The following TUBGCP4 variants were observed in gnomAD, a reference collection of about 807,000 sequenced individuals.
TUBGCP4 encodes tubulin gamma complex component 4.
In TUBGCP4, 54 loss-of-function variants were observed where a neutral mutation model predicts 91.6. That is an observed-to-expected ratio of 0.59 (90% confidence interval 0.47 to 0.74). The LOEUF (loss-of-function observed/expected upper bound fraction) is 0.74. Ranked by LOEUF, TUBGCP4 falls within the 30% of genes least tolerant of loss-of-function variation. The probability of loss-of-function intolerance (pLI) is 0.00; values close to 1 mark genes in which losing one functional copy is unlikely to be tolerated. For missense variants in TUBGCP4, 593 were observed against 800.9 expected, an observed-to-expected ratio of 0.74 and a Z score of 3.13; for synonymous variants, 297 against 302.8, an observed-to-expected ratio of 0.98 and a Z score of 0.20.
chr15:43,398,329 T>A, intron 13 of TUBGCP4, 150 bp downstream of exon 13: 1 of 767,288 alleles, frequency 1.3e-6, no homozygotes, highest in Non-Finnish European at 2.0e-6. Context: ...GAGGATCCCT[T>A]AAGCCCAGGA....
At chr15:43,381,421 A>G (rs1293285571) in intron 6 of TUBGCP4, among the ~76,000 whole-genome samples, 2 of 152,148 alleles carry the variant, frequency 1.3e-5, no homozygotes, top group East Asian at 3.8e-4. Flanking sequence ...AACCTACAAA[A>G]AAGTTGAAAG....
chr15:43,390,794 C>T (rs533110767), intron 9 of TUBGCP4, among the ~76,000 whole-genome samples: 8 of 152,134 alleles, frequency 5.3e-5, no homozygotes, highest in Non-Finnish European at 1.2e-4. Context: ...TAGGCGTGAG[C>T]CACTGGGCCT....
At chr15:43,388,084 C>G (rs759593108) in intron 9 of TUBGCP4, among the ~76,000 whole-genome samples, 6 of 152,120 alleles carry the variant, frequency 3.9e-5, no homozygotes, top group Admixed American at 6.5e-5. Context: ...CGTTTGGGCT[C>G]AAGTGATCCT....
intron 15 of TUBGCP4, chr15:43,402,211 CAG>C: frequency 5.3e-6 from 1 of 188,164 alleles, no homozygotes; most frequent in East Asian, 1.4e-4. Flanking sequence ...ACCCAGGAGG[CAG>C]AGGTTGCAGT....
chr15:43,371,386 G>A lies in TUBGCP4; in HGVS notation c.32G>A (p.Gly11Glu). 6.2e-7 allele frequency: 1 copy of A among 1,614,104 alleles called. No individual in the cohort carries two copies. Reference sequence around the variant, plus strand: ...CACGAACTGCTCTTGGCTCTGAGCGGGTACCCTGGGTCCATTTTCACCTGG... The same window carrying A: ...CACGAACTGCTCTTGGCTCTGAGCGAGTACCCTGGGTCCATTTTCACCTGG... MIHELLLALS[G>E]YPGSIFTWNK... is the part of the protein sequence containing the mutation. Residue 11 changes from glycine (G) to glutamate (E), a missense_variant, in exon 1 of 18, where the codon GGG (glycine) becomes GAG (glutamate). Transcript: ENST00000564079.
In TUBGCP4 at chr15:43,405,335, CT is replaced by C. The variant is rs2044834145; in HGVS notation, c.*125del. The stretch of plus-strand genomic sequence containing the variant: ...CTGCGGCTTAGTGATAGGACTCTAC[CT>C]TTTCTCCTAGAAGCAGTTACTGAAC... On this transcript the variant is annotated 3_prime_UTR_variant, in exon 18 of 18. Coordinates refer to ENST00000564079, the MANE Select transcript of TUBGCP4 (RefSeq NM_014444.5). 3 of 1,141,206 alleles carry C rather than the reference CT, an allele frequency of 2.6e-6. No individual in the cohort carries two copies. Among genetic ancestry groups the C allele is most frequent in the Non-Finnish European group, 3.9e-6 (3 of 772,890 alleles). 70.7% of individuals were successfully genotyped at this position (1,141,206 alleles called of 1,614,324 possible).
chr15:43,408,641 A>AACTT lies in TUBGCP4; in HGVS notation c.*3429_*3432dup, dbSNP rs1177004979. The AACTT allele has an allele frequency of 6.4e-6, 3 of 470,476 alleles. No individual in the cohort carries two copies. The highest frequency in any genetic ancestry group is 1.2e-5 in the Non-Finnish European group (3 of 258,398). 29.1% of individuals were successfully genotyped at this position (470,476 alleles called of 1,614,324 possible). On this transcript the variant is annotated 3_prime_UTR_variant, in exon 18 of 18. Coordinates refer to ENST00000564079, the MANE Select transcript of TUBGCP4 (RefSeq NM_014444.5). ...CTATATATTTTTAATGCTTGCTTAA[A>AACTT]ACTTAGTTCTCTGACTTTACAGGTT...
At chr15:43,400,558 C>G (rs114822347) in intron 14 of TUBGCP4, among the ~76,000 whole-genome samples, 1 of 152,080 alleles carries the variant, frequency 6.6e-6, no homozygotes. Context: ...CCACCACACC[C>G]AGCTGGTTTG....
intron 9 of TUBGCP4, chr15:43,393,999 CTTG>C (rs1239846130): frequency 1.3e-5 from 2 of 151,138 alleles, no homozygotes; most frequent in Non-Finnish European, 2.9e-5. Flanking sequence ...TTTTTGTTTT[CTTG>C]TTGTCGAATT....
chr15:43,376,941 T>C (rs2044214442), intron 3 of TUBGCP4, 73 bp from the exon 4 acceptor site: 1 of 1,271,010 alleles, frequency 7.9e-7, no homozygotes, highest in Admixed American at 1.7e-5. Context: ...TGAGATTCTC[T>C]TCTCATTTTC....
chr15:43,408,196 C>T lies in TUBGCP4; in HGVS notation c.*2982C>T. 2.6e-6 allele frequency: 3 copies of T among 1,143,632 alleles called. No individual in the cohort carries two copies. Among genetic ancestry groups the T allele is most frequent in the East Asian group, 2.5e-5 (1 of 40,144 alleles). The allele number at this position is 1,143,632 out of a possible 1,614,324, so 70.8% of individuals were successfully genotyped here. A position where few individuals can be genotyped will look rare whatever the true frequency, so the allele number is the denominator to read the frequency against. ...TGAATGCTTTCAAAAATAAATGCCC[C>T]ATCAGACATAGTGTCTCAAGCCTGT... On this transcript the variant is annotated 3_prime_UTR_variant, in exon 18 of 18. Transcript: ENST00000564079.
Position 43,406,525 on chromosome 15 carries a change from C to T in TUBGCP4, c.*1311C>T. On this transcript the variant is annotated 3_prime_UTR_variant, in exon 18 of 18. Transcript: ENST00000564079. ...TTGTCTATGGTTGCTTTCATGCCCT[C>T]ACAGCAAAGGCGAGTAGTTGTGATG... 2.2e-6 allele frequency: 1 copy of T among 450,816 alleles called. No homozygotes were observed. The highest frequency in any genetic ancestry group is 4.4e-6 in the Non-Finnish European group (1 of 224,896). 27.9% of individuals were successfully genotyped at this position (450,816 alleles called of 1,614,324 possible).
At chr15:43,381,893 T>TAACA (rs2044290673) in intron 6 of TUBGCP4, among the ~76,000 whole-genome samples, 1 of 152,202 alleles carries the variant, frequency 6.6e-6, no homozygotes, top group South Asian at 2.1e-4. Flanking sequence ...ACAGATACCC[T>TAACA]AACACTTAAA....
chr15:43,386,296 A>G lies in TUBGCP4; in HGVS notation c.980A>G (p.Gln327Arg), dbSNP rs779156751. 3 of 1,568,882 alleles carry G rather than the reference A, an allele frequency of 1.9e-6. No individual in the cohort carries two copies. The highest frequency in any genetic ancestry group is 8.6e-7 in the Non-Finnish European group (1 of 1,158,654). Residue 327 changes from glutamine to arginine, a missense_variant, in exon 9 of 18, where the codon CAG becomes CGG. Gln to Arg is a conservative substitution (Grantham distance 43, BLOSUM62 1). Transcript: ENST00000564079. ...QPLFSLVDFE[Q>R]VVDRIRSTVA... The stretch of plus-strand genomic sequence containing the variant: ...CTCTTCAGCTTGGTGGACTTTGAAC[A>G]GGTGGTGGATCGCATTCGCAGCACT...
chr15:43,387,069 T>C (rs2142821987), intron 9 of TUBGCP4, among the ~76,000 whole-genome samples: 1 of 152,378 alleles, frequency 6.6e-6, no homozygotes, highest in African/African-American at 2.4e-5. Context: ...TAGTTTAGTA[T>C]GGCTCATAAC....
At chr15:43,404,939 T>TA (rs1417001479) in intron 17 of TUBGCP4, 68 of 527,944 alleles carry the variant, frequency 1.3e-4, no homozygotes, top group East Asian at 1.6e-4. Context: ...CTCTAAACTT[T>TA]AAAAAAAACT....
chr15:43,407,847 A>G lies in TUBGCP4; in HGVS notation c.*2633A>G. ...TTCTCTAAGAAACATGGATACGGTC[A>G]ACCTATTAGGCCTGAGCCTTGGACC... On this transcript the variant is annotated 3_prime_UTR_variant, in exon 18 of 18. Coordinates refer to ENST00000564079, the MANE Select transcript of TUBGCP4 (RefSeq NM_014444.5). 7.9e-7 allele frequency: 1 copy of G among 1,267,446 alleles called. No individual in the cohort carries two copies. The highest frequency in any genetic ancestry group is 1.1e-6 in the Non-Finnish European group (1 of 920,004). 78.5% of individuals were successfully genotyped at this position (1,267,446 alleles called of 1,614,324 possible).
chr15:43,385,600 A>C, intron 7 of TUBGCP4, 191 bp from the exon 8 acceptor site: 1 of 606,210 alleles, frequency 1.6e-6, no homozygotes. Flanking sequence ...TCTTATTTCC[A>C]CCATGCCACT....
In TUBGCP4 at chr15:43,407,971, C is replaced by T; in HGVS notation, c.*2757C>T. The stretch of plus-strand genomic sequence containing the variant: ...TGTTATGGGCACTTGAATGGTGCTG[C>T]TTCACAGAGGCTGCACCACCAGTCA... On this transcript the variant is annotated 3_prime_UTR_variant, in exon 18 of 18. Coordinates refer to ENST00000564079, the MANE Select transcript of TUBGCP4 (RefSeq NM_014444.5). 1 of 1,613,760 alleles carries T rather than the reference C, an allele frequency of 6.2e-7. No individual in the cohort carries two copies. Among genetic ancestry groups the T allele is most frequent in the Non-Finnish European group, 8.5e-7 (1 of 1,179,990 alleles).
Sources: allele counts gnomAD v4.1 joint callset (sites outside exome capture counted in the v4.1 genomes callset), GRCh38; gene constraint gnomAD v4.1.1; transcripts MANE v1.5; gene names NCBI Gene and HGNC (gene_info 2026-07-23, HGNC 2026-07-21).